The following PRRX1 variants were observed in gnomAD, a reference collection of about 807,000 sequenced individuals.
PRRX1 encodes paired related homeobox 1.
PRRX1 carries 8 observed loss-of-function variants against 24.0 expected under a neutral mutation model. The ratio of observed to expected loss-of-function variants is 0.33; its 90% CI spans 0.20 to 0.60. The LOEUF (loss-of-function observed/expected upper bound fraction) is 0.60, where lower values mean the gene tolerates loss of function less well. Ranked by LOEUF, PRRX1 falls within the 20% of genes least tolerant of loss-of-function variation. The pLI, the probability that PRRX1 is intolerant of heterozygous loss-of-function variation, is 0.82. For missense variants in PRRX1, 281 were observed against 322.4 expected, an observed-to-expected ratio of 0.87 and a Z score of 0.98; for synonymous variants, 160 against 131.7, an observed-to-expected ratio of 1.22 and a Z score of -1.47.
intron 1 of PRRX1, among the ~76,000 whole-genome samples, chr1:170,689,907 T>A (rs1653880157): frequency 6.6e-6 from 1 of 151,686 alleles, no homozygotes; most frequent in African/African-American, 2.4e-5. Flanking sequence ...TGTGTGTGTG[T>A]GTGAGAGGGA....
At position 170,736,062 on chromosome 1, in the gene PRRX1, A is replaced by G. The variant is rs368848007; in HGVS notation, c.614A>G (p.Tyr205Cys). 3 of 1,613,932 alleles carry G rather than the reference A, an allele frequency of 1.9e-6. No individual in the cohort carries two copies. The highest frequency in any genetic ancestry group is 2.7e-5 in the African/African-American group (2 of 74,910). ...TASPYSAMAT[Y>C]SATCANNSPA... ...TGTCCCTACAGCGCCATGGCTACTT[A>G]TTCTGCCACATGTGCCAACAATAGC... Residue 205 changes from tyrosine to cysteine, a missense_variant, in exon 4 of 4, where the codon TAT (tyrosine) becomes TGT (cysteine). By Grantham distance (194) the Tyr-to-Cys change is radical. Coordinates refer to ENST00000239461, the MANE Select transcript of PRRX1 (RefSeq NM_022716.4).
At position 170,719,741 on chromosome 1, in the gene PRRX1, CAGA is replaced by C. The variant is rs2101917477; in HGVS notation, c.262_264del (p.Glu88del). The C allele has an allele frequency of 6.8e-6, 11 of 1,614,024 alleles. No individual in the cohort carries two copies. The highest frequency in any genetic ancestry group is 8.5e-6 in the Non-Finnish European group (10 of 1,179,988). On this transcript the variant is annotated inframe_deletion, in exon 2 of 4. Transcript: ENST00000239461. ...TCTATTCCAGATGACCAGCTGAACT[CAGA>C]AGAAAAAAAGAAGAGAAAGCAGCGA...
chr1:170,705,080 A>G (rs1242326053), intron 1 of PRRX1, among the ~76,000 whole-genome samples: 3 of 152,190 alleles, frequency 2.0e-5, no homozygotes, highest in Non-Finnish European at 2.9e-5. Context: ...ATGTAATGGG[A>G]GAACATCCTT....
At chr1:170,670,241 C>A (rs937999079) in intron 1 of PRRX1, among the ~76,000 whole-genome samples, 1 of 152,124 alleles carries the variant, frequency 6.6e-6, no homozygotes, top group Admixed American at 6.5e-5. Context: ...TCCTTTAACT[C>A]CGTTTACAGC....
chr1:170,701,606 AT>A (rs1254724432), intron 1 of PRRX1, among the ~76,000 whole-genome samples: 1 of 151,922 alleles, frequency 6.6e-6, no homozygotes, highest in East Asian at 1.9e-4. Flanking sequence ...AAGTAGAAGA[AT>A]TTTTTTAAGG....
At chr1:170,671,465 T>TC (rs1285109437) in intron 1 of PRRX1, among the ~76,000 whole-genome samples, 1 of 152,222 alleles carries the variant, frequency 6.6e-6, no homozygotes, top group East Asian at 1.9e-4. Context: ...GGCGCTGCTT[T>TC]CCGCCGGGTA....
At position 170,664,244 on chromosome 1, in the gene PRRX1, T is replaced by C; in HGVS notation, c.26T>C (p.Leu9Pro). ...ATGACCTCCAGCTACGGGCACGTTC[T>C]GGAGCGGCAACCGGCGCTGGGCGGC... Reference protein sequence around the residue: MTSSYGHVLERQPALGGRL... With the variant: MTSSYGHVPERQPALGGRL... Residue 9 changes from leucine to proline, a missense_variant, in exon 1 of 4, where the codon CTG (leucine) becomes CCG (proline). Physicochemically the swap from Leu to Pro is moderately conservative, Grantham distance 98. Coordinates refer to ENST00000239461, the MANE Select transcript of PRRX1 (RefSeq NM_022716.4). 6.2e-7 allele frequency: 1 copy of C among 1,612,262 alleles called. No homozygotes were observed. The highest frequency in any genetic ancestry group is 8.5e-7 in the Non-Finnish European group (1 of 1,179,484).
chr1:170,686,052 T>C (rs868771934), intron 1 of PRRX1, among the ~76,000 whole-genome samples: 7 of 151,752 alleles, frequency 4.6e-5, no homozygotes, highest in Middle Eastern at 3.2e-3. Context: ...CTGTTATAGT[T>C]AAAATGTAGA....
chr1:170,733,044 C>T (rs905346756), intron 3 of PRRX1, among the ~76,000 whole-genome samples: 14 of 152,030 alleles, frequency 9.2e-5, no homozygotes, highest in African/African-American at 3.4e-4. Flanking sequence ...GATCTGAATT[C>T]CCATTAATTT....
intron 1 of PRRX1, among the ~76,000 whole-genome samples, chr1:170,708,090 G>T (rs1654623404): frequency 6.6e-6 from 1 of 152,052 alleles, no homozygotes. Context: ...CTTTCTTCCT[G>T]TTATGAGTTG....
chr1:170,731,717 G>T (rs747460540), intron 3 of PRRX1, among the ~76,000 whole-genome samples: 1 of 152,116 alleles, frequency 6.6e-6, no homozygotes, highest in Non-Finnish European at 1.5e-5. Context: ...CTCTGCTAGT[G>T]GTTAGCATTC....
intron 1 of PRRX1, among the ~76,000 whole-genome samples, chr1:170,698,131 T>C (rs553186919): frequency 4.7e-4 from 72 of 152,166 alleles, no homozygotes; most frequent in African/African-American, 1.6e-3. Flanking sequence ...GAGACAAATA[T>C]AGCCAACAAA....
chr1:170,682,604 C>T lies in PRRX1; in HGVS notation c.241+18145C>T, dbSNP rs543068064. On this transcript the variant is annotated intron_variant, in intron 1 of 3. Transcript: ENST00000239461. The stretch of plus-strand genomic sequence containing the variant: ...TCCATGCCCATCTCTTTTTCTTTCT[C>T]TCACTCATTTTTTTTTCATACATAT... Among the ~76,000 whole-genome samples the T allele has an allele frequency of 4.6e-5, 7 of 152,186 alleles. No individual in the cohort carries two copies. The East Asian group carries it at 1.4e-3, about 29-fold the overall frequency.
intron 1 of PRRX1, among the ~76,000 whole-genome samples, chr1:170,712,311 A>G (rs1361673193): frequency 1.3e-5 from 2 of 152,140 alleles, no homozygotes; most frequent in Non-Finnish European, 2.9e-5. Flanking sequence ...TGTGCATGAT[A>G]TATATCCTTG....
intron 1 of PRRX1, among the ~76,000 whole-genome samples, chr1:170,695,970 A>G (rs1277584361): frequency 6.6e-6 from 1 of 152,186 alleles, no homozygotes; most frequent in Non-Finnish European, 1.5e-5. Context: ...ATAAAATAAA[A>G]CATGCTTTTC....
chr1:170,726,455 C>T (rs528766128), intron 3 of PRRX1, 54 bp downstream of exon 3: 35 of 1,581,626 alleles, frequency 2.2e-5, no homozygotes, highest in East Asian at 6.7e-5. Flanking sequence ...TCTCAGCGGT[C>T]GGTCATGTTT....
chr1:170,688,945 A>G (rs1227648729), intron 1 of PRRX1, among the ~76,000 whole-genome samples: 1 of 152,142 alleles, frequency 6.6e-6, no homozygotes, highest in Non-Finnish European at 1.5e-5. Context: ...TAGTTCTGTG[A>G]CAATATAATT....
chr1:170,734,953 C>G (rs1377593101), intron 3 of PRRX1, among the ~76,000 whole-genome samples: 4 of 152,066 alleles, frequency 2.6e-5, no homozygotes, highest in African/African-American at 9.7e-5. Context: ...ATGTGGCTGA[C>G]AAAATTCCAT....
At chr1:170,707,963 G>T (rs1654619498) in intron 1 of PRRX1, among the ~76,000 whole-genome samples, 1 of 152,194 alleles carries the variant, frequency 6.6e-6, no homozygotes, top group African/African-American at 2.4e-5. Context: ...GGAAGAGAAT[G>T]ACCCAGATGG....
Sources: gnomAD v4.1 joint callset for allele counts (sites outside exome capture counted in the v4.1 genomes callset) on GRCh38, gnomAD v4.1.1 for gene constraint, MANE v1.5 for transcripts, NCBI Gene and HGNC (gene_info 2026-07-23, HGNC 2026-07-21) for gene names.